SPOCK1: variants seen among roughly 807,000 people sequenced by gnomAD.
SPOCK1 encodes testican-1.
Under a neutral mutation model 55.3 loss-of-function variants are expected in SPOCK1, and 23 were observed. The ratio of observed to expected loss-of-function variants is 0.42; its 90% CI spans 0.30 to 0.59. The LOEUF (loss-of-function observed/expected upper bound fraction) is 0.59, where lower values mean the gene tolerates loss of function less well. Among genes scored for constraint, SPOCK1 ranks in the 20% least tolerant of loss-of-function variants. SPOCK1 has a pLI of 0.22. For missense variants in SPOCK1, 499 were observed against 552.5 expected (o/e 0.90, Z 0.97); for synonymous variants, 226 against 221.0 (o/e 1.02, Z -0.20).
chr5:137,313,909 T>TA (rs1046517559), intron 2 of SPOCK1, among the ~76,000 whole-genome samples: 5 of 149,168 alleles, frequency 3.4e-5, no homozygotes, highest in Non-Finnish European at 5.9e-5. Context: ...AGAACTGACA[T>TA]ACGCTCACAA....
intron 6 of SPOCK1, among the ~76,000 whole-genome samples, chr5:137,057,369 C>T (rs1332043766): frequency 6.6e-6 from 1 of 152,198 alleles, no homozygotes; most frequent in East Asian, 1.9e-4. Context: ...GTTTTGGTTG[C>T]AGCTCTAACC....
intron 6 of SPOCK1, among the ~76,000 whole-genome samples, chr5:136,996,831 A>G (rs1227049048): frequency 1.3e-5 from 2 of 152,132 alleles, no homozygotes; most frequent in African/African-American, 2.4e-5. Flanking sequence ...GGAGGGGACA[A>G]ATAAAGGAAT....
intron 6 of SPOCK1, among the ~76,000 whole-genome samples, chr5:137,027,856 T>C (rs988007813): frequency 6.6e-6 from 1 of 152,128 alleles, no homozygotes; most frequent in Non-Finnish European, 1.5e-5. Context: ...ACCTTGTAGC[T>C]GCACTGCTGA....
intron 3 of SPOCK1, among the ~76,000 whole-genome samples, chr5:137,152,489 T>A (rs940882316): frequency 6.6e-6 from 1 of 152,158 alleles, no homozygotes; most frequent in Non-Finnish European, 1.5e-5. Flanking sequence ...AAGACAAGCA[T>A]AAAACAAACA....
intron 2 of SPOCK1, among the ~76,000 whole-genome samples, chr5:137,461,783 C>A (rs1428385311): frequency 6.6e-6 from 1 of 152,216 alleles, no homozygotes; most frequent in Non-Finnish European, 1.5e-5. Flanking sequence ...GAGACAATAA[C>A]TGAAACTCAG....
chr5:137,445,109 C>T lies in SPOCK1; in HGVS notation c.186+53264G>A, dbSNP rs376188167. Among the ~76,000 whole-genome samples, 11 of 152,290 alleles carry T rather than the reference C, an allele frequency of 7.2e-5. No individual in the cohort carries two copies. In the East Asian group the frequency reaches 1.7e-3, roughly 24 times the overall value. ...GCTCACATGAGCCAGGTAAACACTCCAAAAGGAAAGTCCACTGCCCACCTC... is the reference window on the plus strand; with the variant it reads ...GCTCACATGAGCCAGGTAAACACTCTAAAAGGAAAGTCCACTGCCCACCTC... On this transcript the variant is annotated intron_variant, in intron 2 of 10. Transcript: ENST00000394945.
At chr5:137,005,109 A>C (rs549067209) in intron 6 of SPOCK1, among the ~76,000 whole-genome samples, 1 of 152,182 alleles carries the variant, frequency 6.6e-6, no homozygotes, top group South Asian at 2.1e-4. Context: ...GATAAGAGAA[A>C]CCCTCTTAGA....
At chr5:137,044,026 C>A (rs1161946133) in intron 6 of SPOCK1, among the ~76,000 whole-genome samples, 3 of 152,030 alleles carry the variant, frequency 2.0e-5, no homozygotes, top group Admixed American at 2.0e-4. Flanking sequence ...TTCTATAAAT[C>A]TAAAAATTTT....
At chr5:137,317,671 T>TCAA (rs1234150605) in intron 2 of SPOCK1, among the ~76,000 whole-genome samples, 1 of 152,130 alleles carries the variant, frequency 6.6e-6, no homozygotes, top group Non-Finnish European at 1.5e-5. Context: ...ACCCTACAAG[T>TCAA]CAACAGGTTG....
chr5:137,132,465 T>G (rs563606357), intron 4 of SPOCK1, among the ~76,000 whole-genome samples: 2 of 152,318 alleles, frequency 1.3e-5, no homozygotes, highest in East Asian at 3.9e-4. Context: ...GTACATTCCT[T>G]AATAAGCAAG....
At chr5:137,134,447 C>A (rs189184549) in intron 4 of SPOCK1, among the ~76,000 whole-genome samples, 3 of 152,182 alleles carry the variant, frequency 2.0e-5, no homozygotes, top group Admixed American at 6.5e-5. Context: ...AATATAGCAC[C>A]AAGCTCTCAC....
intron 2 of SPOCK1, among the ~76,000 whole-genome samples, chr5:137,427,754 A>G (rs1287818218): frequency 6.6e-6 from 1 of 152,002 alleles, no homozygotes; most frequent in Non-Finnish European, 1.5e-5. Context: ...CCAAAAATAC[A>G]AAAAATTAGC....
At chr5:137,194,791 T>A (rs1755264719) in intron 3 of SPOCK1, among the ~76,000 whole-genome samples, 1 of 152,102 alleles carries the variant, frequency 6.6e-6, no homozygotes. Flanking sequence ...CCACGAAGAC[T>A]CAGTGAAAGC....
chr5:137,032,740 G>C (rs187169442), intron 6 of SPOCK1, among the ~76,000 whole-genome samples: 1 of 152,314 alleles, frequency 6.6e-6, no homozygotes, highest in East Asian at 1.9e-4. Flanking sequence ...CAGGGTTGCT[G>C]TGGTGGGGGC....
chr5:137,171,173 T>G (rs1270298986), intron 3 of SPOCK1, among the ~76,000 whole-genome samples: 1 of 152,188 alleles, frequency 6.6e-6, no homozygotes, highest in African/African-American at 2.4e-5. Context: ...ATCACTGGAC[T>G]GTGTCCTGAC....
chr5:137,467,448 GTGCAAGAGC>G (rs1753643028), intron 2 of SPOCK1, among the ~76,000 whole-genome samples: 1 of 152,206 alleles, frequency 6.6e-6, no homozygotes, highest in Non-Finnish European at 1.5e-5. Flanking sequence ...GCCAAGCTAT[GTGCAAGAGC>G]TTGAAAACAT....
chr5:137,176,518 GT>G, intron 3 of SPOCK1, among the ~76,000 whole-genome samples: 2 of 152,084 alleles, frequency 1.3e-5, no homozygotes, highest in Admixed American at 1.3e-4. Flanking sequence ...GTGTGTGTGT[GT>G]GTGTGTGTGT....
intron 2 of SPOCK1, among the ~76,000 whole-genome samples, chr5:137,459,024 A>T (rs545119401): frequency 6.6e-6 from 1 of 152,300 alleles, no homozygotes; most frequent in South Asian, 2.1e-4. Context: ...AGGTGCACAC[A>T]CAATTCCATG....
rs539841561 is a variant in SPOCK1 at position 137,317,417 on chromosome 5, C to T, written c.187-50362G>A. On this transcript the variant is annotated intron_variant, in intron 2 of 10. Coordinates refer to ENST00000394945, the MANE Select transcript of SPOCK1 (RefSeq NM_004598.4). ...ATTCGTCCCTGACCTATATTACTGC[C>T]GTTTTGGTGCAATGCAGGACACTGG... Among the ~76,000 whole-genome samples the T allele has an allele frequency of 2.7e-3, 407 of 152,244 alleles. 2 individuals are homozygous for T. The highest frequency in any genetic ancestry group is 9.3e-3 in the African/African-American group (388 of 41,534).
Sources: allele counts gnomAD v4.1 joint callset (sites outside exome capture counted in the v4.1 genomes callset), GRCh38; gene constraint gnomAD v4.1.1; transcripts MANE v1.5; gene names NCBI Gene and HGNC (gene_info 2026-07-23, HGNC 2026-07-21).